Variants in CRAMP1 observed in about 807,000 individuals in gnomAD.
The protein encoded by CRAMP1 is cramped chromatin regulator 1.
Under a neutral mutation model 115.4 loss-of-function variants are expected in CRAMP1, and 50 were observed. The observed-to-expected ratio is 0.43, with a 90% CI of 0.35 to 0.55. The LOEUF is 0.55. Among genes scored for constraint, CRAMP1 ranks in the 20% least tolerant of loss-of-function variants. The pLI is 0.01. For missense variants in CRAMP1, 1,679 were observed against 1,721.7 expected (o/e 0.98, Z 0.44); for synonymous variants, 866 against 745.4 (o/e 1.16, Z -2.64).
At chr16:1,648,619 A>G (rs1394921001) in intron 6 of CRAMP1, among the ~76,000 whole-genome samples, 2 of 151,860 alleles carry the variant, frequency 1.3e-5, no homozygotes, top group Non-Finnish European at 2.9e-5. Context: ...AAAAAAAAAA[A>G]GAATTGACTC....
At chr16:1,635,002 G>A (rs886508587) in intron 4 of CRAMP1, among the ~76,000 whole-genome samples, 11 of 152,074 alleles carry the variant, frequency 7.2e-5, no homozygotes, top group African/African-American at 2.4e-4. Flanking sequence ...AGTTTCAAGC[G>A]ATTCTCATGC....
Position 1,614,703 on chromosome 16 carries a change from G to T in CRAMP1, c.64G>T (p.Ala22Ser). 7.5e-7 allele frequency: 1 copy of T among 1,337,372 alleles called. No individual in the cohort carries two copies. Among genetic ancestry groups the T allele is most frequent in the Non-Finnish European group, 9.6e-7 (1 of 1,036,396 alleles). The allele number at this position is 1,337,372 out of a possible 1,614,324, so 82.8% of individuals were successfully genotyped here. A position where few individuals can be genotyped will look rare whatever the true frequency, so the allele number is the denominator to read the frequency against. ...CGGGCTCAAGAAGCTGGGCAAGCGG[G>T]CGGCCGATGAGGAGTCCCTGGAAGG... ...EDGLKKLGKRAADEESLEGEG... is the reference protein window; with the variant it reads ...EDGLKKLGKRSADEESLEGEG... Residue 22 changes from alanine (A) to serine (S), a missense_variant, in exon 2 of 21, where the codon GCG (alanine) becomes TCG (serine). Physicochemically the swap from Ala to Ser is moderately conservative, Grantham distance 99. Coordinates refer to ENST00000397412, the MANE Select transcript of CRAMP1 (RefSeq NM_020825.4). The surrounding 1 kb of genome is among the most constrained non-coding windows in gnomAD (Gnocchi z 4.4).
chr16:1,659,778 C>G, intron 10 of CRAMP1, 108 bp from the exon 11 acceptor site: 1 of 1,088,704 alleles, frequency 9.2e-7, no homozygotes, highest in Non-Finnish European at 1.4e-6. Context: ...CGTCATGACA[C>G]TGTGCTTTCT....
intron 13 of CRAMP1, 124 bp from the exon 14 acceptor site, chr16:1,664,933 C>T (rs2036861033): frequency 8.5e-6 from 6 of 702,096 alleles, no homozygotes; most frequent in South Asian, 6.5e-5. Flanking sequence ...GTGTCATCGG[C>T]TCTGGAAAAA....
chr16:1,620,007 C>CA (rs1348369795), intron 2 of CRAMP1, among the ~76,000 whole-genome samples: 2 of 152,146 alleles, frequency 1.3e-5, no homozygotes, highest in Non-Finnish European at 2.9e-5. Context: ...GACACCACTG[C>CA]GTGTGCATGA....
intron 2 of CRAMP1, among the ~76,000 whole-genome samples, chr16:1,624,749 A>G (rs1596482968): frequency 6.6e-6 from 1 of 151,844 alleles, no homozygotes; most frequent in Non-Finnish European, 1.5e-5. Flanking sequence ...CCCAGCTAAT[A>G]TTTTTTGTGT....
At chr16:1,650,812 G>A (rs2036716179) in intron 6 of CRAMP1, among the ~76,000 whole-genome samples, 2 of 152,214 alleles carry the variant, frequency 1.3e-5, no homozygotes, top group South Asian at 4.1e-4. Context: ...ATTGGTTAAG[G>A]CAGAAAGCCG....
At chr16:1,629,460 C>T (rs1241023572) in intron 3 of CRAMP1, among the ~76,000 whole-genome samples, 3 of 152,228 alleles carry the variant, frequency 2.0e-5, no homozygotes, top group Non-Finnish European at 2.9e-5. Flanking sequence ...AGAGCACTCT[C>T]GCCACACTGA....
Position 1,656,523 on chromosome 16 carries a change from C to T in CRAMP1, c.1766C>T (p.Pro589Leu). 6.4e-7 allele frequency: 1 copy of T among 1,561,344 alleles called. No homozygotes were observed. The highest frequency in any genetic ancestry group is 8.7e-7 in the Non-Finnish European group (1 of 1,153,540). Residue 589 changes from proline to leucine, a missense_variant, in exon 10 of 21, where the codon CCC becomes CTC. This residue lies in a region of CRAMP1 where 405 missense variants were observed against 302.6 expected (regional missense o/e 1.34). Coordinates refer to ENST00000397412, the MANE Select transcript of CRAMP1 (RefSeq NM_020825.4). This position sits in a 1 kb window ranked among gnomAD's most constrained non-coding sequence, Gnocchi z 5.6. ...CADTRPGSEQ[P>L]PLGGAASPEV... ...GACACACGGCCTGGGAGCGAGCAGC[C>T]CCCTCTGGGCGGGGCGGCCTCCCCA...
rs117445390 is a variant in CRAMP1 at position 1,668,972 on chromosome 16, C to T, written c.3335-29C>T. ...TGCTGTTCACCACCCCGCAACAAGG[C>T]GTTTCTGATCTGGGATCTTGGTTGG... On this transcript the variant is annotated intron_variant, in intron 18 of 20. Transcript: ENST00000397412. 2.0e-4 allele frequency: 330 copies of T among 1,611,110 alleles called. 2 individuals carry two copies. In the East Asian group the frequency reaches 7.1e-3, roughly 35 times the overall value.
intron 2 of CRAMP1, among the ~76,000 whole-genome samples, chr16:1,620,290 C>G (rs1212030604): frequency 6.6e-6 from 1 of 152,196 alleles, no homozygotes. Context: ...GGAAGGGTCC[C>G]TGCTGTCTTA....
At chr16:1,645,861 T>C (rs1350751563) in intron 6 of CRAMP1, among the ~76,000 whole-genome samples, 1 of 152,080 alleles carries the variant, frequency 6.6e-6, no homozygotes, top group Non-Finnish European at 1.5e-5. Context: ...TTTCACAAAT[T>C]TGTAGAGTTG....
At chr16:1,625,845 A>G in intron 2 of CRAMP1, 128 bp from the exon 3 acceptor site, 2 of 917,180 alleles carry the variant, frequency 2.2e-6, no homozygotes, top group Non-Finnish European at 3.2e-6. Flanking sequence ...GCTGCCTGCC[A>G]GCATCCTCGG....
chr16:1,648,202 C>A (rs892166980), intron 6 of CRAMP1, among the ~76,000 whole-genome samples: 1 of 152,032 alleles, frequency 6.6e-6, no homozygotes, highest in African/African-American at 2.4e-5. Flanking sequence ...GACACAGCTC[C>A]GCCAGCTGTT....
rs2036954268 is a variant in CRAMP1, at chr16:1,674,907, A to G, written c.*862A>G. The G allele has an allele frequency of 6.6e-6, 1 of 152,238 alleles. No individual in the cohort carries two copies. The highest frequency in any genetic ancestry group is 2.4e-5 in the African/African-American group (1 of 41,464). The allele number at this position is 152,238 out of a possible 1,614,324, so 9.4% of individuals were successfully genotyped here. A position where few individuals can be genotyped will look rare whatever the true frequency, so the allele number is the denominator to read the frequency against. ...CTCCTGGGGTGACCCTTAGGCGCTAATATGATTACAGCGAAGACTTTCCTG... is the reference window on the plus strand; with the variant it reads ...CTCCTGGGGTGACCCTTAGGCGCTAGTATGATTACAGCGAAGACTTTCCTG... On this transcript the variant is annotated 3_prime_UTR_variant, in exon 21 of 21. Coordinates refer to ENST00000397412, the MANE Select transcript of CRAMP1 (RefSeq NM_020825.4).
At position 1,637,930 on chromosome 16, in the gene CRAMP1, T is replaced by G. The variant is rs759694872; in HGVS notation, c.778+23T>G. ...GCTGTGAGTACGCTGACTGTGGGGT[T>G]GCCCACGGCTCCTCCTGTCCTTTGT... On this transcript the variant is annotated intron_variant, in intron 5 of 20. Transcript: ENST00000397412. 4 of 1,310,686 alleles carry G rather than the reference T, an allele frequency of 3.1e-6. No individual in the cohort carries two copies. In the Admixed American group the frequency reaches 7.9e-5, roughly 26 times the overall value. The allele number at this position is 1,310,686 out of a possible 1,614,324, so 81.2% of individuals were successfully genotyped here.
Position 1,666,278 on chromosome 16 carries a change from T to G in CRAMP1, c.2857+101T>G. 8.6e-7 allele frequency: 1 copy of G among 1,159,056 alleles called. No homozygotes were observed. The highest frequency in any genetic ancestry group is 2.1e-5 in the Admixed American group (1 of 48,716). The allele number at this position is 1,159,056 out of a possible 1,614,324, so 71.8% of individuals were successfully genotyped here. A position where few individuals can be genotyped will look rare whatever the true frequency, so the allele number is the denominator to read the frequency against. Reference sequence around the variant, plus strand: ...GTTTTCTTCTCCAAATCATAATGTCTCATTACCCTTCACCAAGAACATCTA... The same window carrying G: ...GTTTTCTTCTCCAAATCATAATGTCGCATTACCCTTCACCAAGAACATCTA... On this transcript the variant is annotated intron_variant, in intron 15 of 20. Transcript: ENST00000397412. This position sits in a 1 kb window ranked among gnomAD's most constrained non-coding sequence, Gnocchi z 5.0.
intron 4 of CRAMP1, among the ~76,000 whole-genome samples, chr16:1,635,154 TC>T (rs2036577463): frequency 6.6e-6 from 1 of 152,124 alleles, no homozygotes; most frequent in African/African-American, 2.4e-5. Flanking sequence ...TGCCTCGGCC[TC>T]CCAAAGTGCA....
At chr16:1,653,908 A>T (rs1445625601) in intron 8 of CRAMP1, among the ~76,000 whole-genome samples, 1 of 151,798 alleles carries the variant, frequency 6.6e-6, no homozygotes, top group Non-Finnish European at 1.5e-5. Flanking sequence ...TTGGGAGGCC[A>T]AGGCAGGTGG....
Sources: allele counts gnomAD v4.1 joint callset (sites outside exome capture counted in the v4.1 genomes callset), GRCh38; gene constraint gnomAD v4.1.1; regional missense constraint gnomAD v4.1.1; non-coding constraint Gnocchi (gnomAD v3.1); transcripts MANE v1.5; gene names NCBI Gene and HGNC (gene_info 2026-07-23, HGNC 2026-07-21).